The following AUTS2 variants were observed in gnomAD, a reference collection of about 807,000 sequenced individuals.
AUTS2 encodes autism susceptibility gene 2 protein.
AUTS2 carries 17 observed loss-of-function variants against 112.4 expected under a neutral mutation model. The observed-to-expected ratio is 0.15, with a 90% CI of 0.10 to 0.23. AUTS2 has a LOEUF of 0.23. Among genes scored for constraint, AUTS2 ranks in the 10% least tolerant of loss-of-function variants. The pLI, the probability that AUTS2 is intolerant of heterozygous loss-of-function variation, is 1.00. For synonymous variants in AUTS2, 751 were observed against 702.7 expected, an observed-to-expected ratio of 1.07 and a Z score of -1.09; for missense variants, 1,510 against 1,701.6, an observed-to-expected ratio of 0.89 and a Z score of 1.98.
rs543740638 is a variant in AUTS2 at position 70,156,275 on chromosome 7, C to T, written c.660+21704C>T. On this transcript the variant is annotated intron_variant, in intron 4 of 18. Coordinates refer to ENST00000342771, the MANE Select transcript of AUTS2 (RefSeq NM_015570.4). ...TAAGAGCTAAGTTACTTGCAGCTGG[C>T]GGTGCCACCTGTGCCTATCAAATTT... Among the ~76,000 whole-genome samples, 66 of 152,276 alleles carry T rather than the reference C, an allele frequency of 4.3e-4. No individual in the cohort carries two copies. The South Asian group carries it at 9.6e-3, about 22-fold the overall frequency.
chr7:70,106,121 G>A (rs1248529274), intron 2 of AUTS2, among the ~76,000 whole-genome samples: 3 of 151,992 alleles, frequency 2.0e-5, no homozygotes, highest in South Asian at 2.1e-4. Context: ...TCTGTTTTGC[G>A]CAGGTTAAAA....
At chr7:69,667,755 C>T (rs1198917271) in intron 1 of AUTS2, among the ~76,000 whole-genome samples, 3 of 152,158 alleles carry the variant, frequency 2.0e-5, no homozygotes, top group Non-Finnish European at 4.4e-5. Context: ...TGAATGTGCT[C>T]TCTGCTCCCC....
In AUTS2 at chr7:70,357,816, G is replaced by T. The variant is rs148495666; in HGVS notation, c.661-77936G>T. Among the ~76,000 whole-genome samples the T allele has an allele frequency of 2.1e-3, 324 of 152,292 alleles. 3 individuals carry two copies. Among genetic ancestry groups the T allele is most frequent in the Non-Finnish European group, 3.9e-3 (263 of 68,024 alleles). ...GGAAGAAAGCCAATTCTGAGGTTTTGTGTGTTATATGAAGGGTGTGTGTTA... is the reference window on the plus strand; with the variant it reads ...GGAAGAAAGCCAATTCTGAGGTTTTTTGTGTTATATGAAGGGTGTGTGTTA... On this transcript the variant is annotated intron_variant, in intron 4 of 18. Coordinates refer to ENST00000342771, the MANE Select transcript of AUTS2 (RefSeq NM_015570.4).
rs147821372 is a variant in AUTS2, at chr7:70,399,476, G to T, written c.661-36276G>T. Reference sequence around the variant, plus strand: ...CCATAATGCATTCTCTACATTCTCAGTTTCAGTTTAAGTGGAGGCAGATCT... The same window carrying T: ...CCATAATGCATTCTCTACATTCTCATTTTCAGTTTAAGTGGAGGCAGATCT... On this transcript the variant is annotated intron_variant, in intron 4 of 18. Transcript: ENST00000342771. Among the ~76,000 whole-genome samples, 33 of 152,052 alleles carry T rather than the reference G, an allele frequency of 2.2e-4. 1 individual carries two copies. The highest frequency in any genetic ancestry group is 4.6e-4 in the Admixed American group (7 of 15,280).
Position 70,303,518 on chromosome 7 carries a change from C to T in AUTS2, c.661-132234C>T, listed in dbSNP as rs369389829. ...GAGTATCACATAATCACTCTTCTGG[C>T]TTTAGTGGTTTTCCTTTGGCCACAC... On this transcript the variant is annotated intron_variant, in intron 4 of 18. Coordinates refer to ENST00000342771, the MANE Select transcript of AUTS2 (RefSeq NM_015570.4). 9.2e-5 allele frequency among the ~76,000 whole-genome samples: 14 copies of T among 151,626 alleles called. 1 individual carries two copies. Among genetic ancestry groups the T allele is most frequent in the Admixed American group, 6.6e-4 (10 of 15,264 alleles).
intron 4 of AUTS2, among the ~76,000 whole-genome samples, chr7:70,364,807 C>T (rs1792491990): frequency 1.3e-5 from 2 of 152,086 alleles, no homozygotes; most frequent in Admixed American, 1.3e-4. Flanking sequence ...GAGACAGAAG[C>T]AGAACCAGTT....
At position 70,307,241 on chromosome 7, in the gene AUTS2, C is replaced by G. The variant is rs1789533146; in HGVS notation, c.661-128511C>G. 2.6e-5 allele frequency among the ~76,000 whole-genome samples: 4 copies of G among 152,198 alleles called. No homozygotes were observed. The South Asian group carries it at 8.3e-4, about 32-fold the overall frequency. The stretch of plus-strand genomic sequence containing the variant: ...AGGATTTAATGGTGTTCCATAGCCA[C>G]TAGCACGCAGTAGCTCATAATTTCA... On this transcript the variant is annotated intron_variant, in intron 4 of 18. Transcript: ENST00000342771.
chr7:69,910,438 G>A (rs555120564), intron 2 of AUTS2, among the ~76,000 whole-genome samples: 5 of 152,058 alleles, frequency 3.3e-5, no homozygotes, highest in African/African-American at 4.8e-5. Flanking sequence ...TCTTTTCCAC[G>A]CTGCCAATAG....
intron 2 of AUTS2, among the ~76,000 whole-genome samples, chr7:70,045,529 T>C (rs1210055914): frequency 6.6e-6 from 1 of 151,830 alleles, no homozygotes; most frequent in Non-Finnish European, 1.5e-5. Context: ...CTTTTTAAAA[T>C]GTGACTCCTA....
intron 1 of AUTS2, among the ~76,000 whole-genome samples, chr7:69,784,420 T>G (rs1044092905): frequency 5.9e-5 from 9 of 152,230 alleles, no homozygotes; most frequent in Non-Finnish European, 1.3e-4. Context: ...TGGTTTGTTT[T>G]GCCCGTCTGC....
At chr7:69,913,634 A>G (rs1232611270) in intron 2 of AUTS2, among the ~76,000 whole-genome samples, 1 of 152,132 alleles carries the variant, frequency 6.6e-6, no homozygotes, top group Non-Finnish European at 1.5e-5. Flanking sequence ...GTTTCCATTC[A>G]TGTCTCTTTC....
At chr7:69,953,630 G>A (rs565798563) in intron 2 of AUTS2, among the ~76,000 whole-genome samples, 1 of 152,312 alleles carries the variant, frequency 6.6e-6, no homozygotes, top group South Asian at 2.1e-4. Context: ...TCATTGGAAG[G>A]GTGGCCAGCC....
chr7:70,070,144 G>A (rs1347220367), intron 2 of AUTS2, among the ~76,000 whole-genome samples: 1 of 152,112 alleles, frequency 6.6e-6, no homozygotes, highest in East Asian at 1.9e-4. Flanking sequence ...CTGGTATTCT[G>A]GGCCTCCCAA....
chr7:70,305,800 A>T (rs1324981897), intron 4 of AUTS2, among the ~76,000 whole-genome samples: 1 of 152,242 alleles, frequency 6.6e-6, no homozygotes, highest in Admixed American at 6.5e-5. Context: ...GCTGGAAATT[A>T]TATGGACATA....
At chr7:69,766,574 G>A (rs543538976) in intron 1 of AUTS2, among the ~76,000 whole-genome samples, 1 of 152,208 alleles carries the variant, frequency 6.6e-6, no homozygotes, top group South Asian at 2.1e-4. Context: ...TAAATTCATC[G>A]TTTTGGGCCT....
intron 4 of AUTS2, among the ~76,000 whole-genome samples, chr7:70,173,331 A>G (rs1375629283): frequency 6.6e-6 from 1 of 151,684 alleles, no homozygotes; most frequent in Admixed American, 6.6e-5. Flanking sequence ...ACTGTACTCC[A>G]GCCTGGGCAA....
At chr7:70,754,812 C>CATGG (rs570447933) in intron 6 of AUTS2, among the ~76,000 whole-genome samples, 1 of 152,122 alleles carries the variant, frequency 6.6e-6, no homozygotes, top group African/African-American at 2.4e-5. Context: ...ATGGATGATG[C>CATGG]ATGGATGGAT....
At chr7:70,047,132 A>AC (rs774136458) in intron 2 of AUTS2, among the ~76,000 whole-genome samples, 18 of 152,198 alleles carry the variant, frequency 1.2e-4, no homozygotes, top group Non-Finnish European at 2.1e-4. Flanking sequence ...AGATGAAATT[A>AC]CCCCATGGAA....
Position 70,514,431 on chromosome 7 carries a change from A to G in AUTS2, c.690+78650A>G, listed in dbSNP as rs1320719751. Among the ~76,000 whole-genome samples the G allele has an allele frequency of 2.0e-5, 3 of 152,240 alleles. No homozygotes were observed. The East Asian group carries it at 5.8e-4, about 29-fold the overall frequency. ...CTGGTGAGGCCTCAGGCAGCTTCCA[A>G]TCATGGAAGAAAGCAAAGAGGGAGC... On this transcript the variant is annotated intron_variant, in intron 5 of 18. Coordinates refer to ENST00000342771, the MANE Select transcript of AUTS2 (RefSeq NM_015570.4).
Sources: gnomAD v4.1 joint callset for allele counts (sites outside exome capture counted in the v4.1 genomes callset) on GRCh38, gnomAD v4.1.1 for gene constraint, MANE v1.5 for transcripts, NCBI Gene and HGNC (gene_info 2026-07-23, HGNC 2026-07-21) for gene names.